SYT6: variants seen among roughly 807,000 people sequenced by gnomAD.
The protein encoded by SYT6 is synaptotagmin 6.
SYT6 carries 24 observed loss-of-function variants against 38.4 expected under a neutral mutation model. The observed-to-expected ratio is 0.62, with a 90% CI of 0.45 to 0.88. The LOEUF (loss-of-function observed/expected upper bound fraction) is 0.88. SYT6 is among the 40% of genes least tolerant of loss of function. The probability of loss-of-function intolerance (pLI) is 0.00; values close to 1 mark genes in which losing one functional copy is unlikely to be tolerated. For missense variants in SYT6, 611 were observed against 621.0 expected (o/e 0.98, Z 0.17); for synonymous variants, 265 against 241.9 (o/e 1.10, Z -0.89).
At chr1:114,120,050 G>A (rs1316829833) in intron 3 of SYT6, among the ~76,000 whole-genome samples, 2 of 135,684 alleles carry the variant, frequency 1.5e-5, no homozygotes, top group African/African-American at 6.4e-5. Flanking sequence ...CAGCCTGGGC[G>A]ACAGAGAGAG....
chr1:114,131,671 C>T (rs1006869461), intron 3 of SYT6, among the ~76,000 whole-genome samples: 1 of 152,232 alleles, frequency 6.6e-6, no homozygotes, highest in African/African-American at 2.4e-5. Flanking sequence ...CTTTCCATAG[C>T]CCAGCCCATG....
chr1:114,101,349 G>T (rs1357953072), intron 4 of SYT6, among the ~76,000 whole-genome samples: 1 of 152,146 alleles, frequency 6.6e-6, no homozygotes, highest in Non-Finnish European at 1.5e-5. Context: ...GATCTTGGAG[G>T]TCCTTTCCTC....
At chr1:114,135,186 C>T (rs185878957) in intron 3 of SYT6, among the ~76,000 whole-genome samples, 3 of 152,130 alleles carry the variant, frequency 2.0e-5, no homozygotes, top group Non-Finnish European at 4.4e-5. Flanking sequence ...ACCTGGACTC[C>T]CTCTGCAACT....
intron 3 of SYT6, among the ~76,000 whole-genome samples, chr1:114,114,096 C>T (rs1347137003): frequency 1.3e-5 from 2 of 152,182 alleles, no homozygotes; most frequent in Non-Finnish European, 2.9e-5. Flanking sequence ...AGGCCACTTC[C>T]TCCAGCGCCT....
At chr1:114,098,532 G>T (rs761659651) in intron 5 of SYT6, among the ~76,000 whole-genome samples, 1 of 152,220 alleles carries the variant, frequency 6.6e-6, no homozygotes, top group Non-Finnish European at 1.5e-5. Flanking sequence ...GATCCGATTG[G>T]ATGGATATGC....
At chr1:114,123,402 A>G (rs971470757) in intron 3 of SYT6, among the ~76,000 whole-genome samples, 2 of 152,196 alleles carry the variant, frequency 1.3e-5, no homozygotes, top group African/African-American at 4.8e-5. Context: ...AAAGAGCCCC[A>G]GGCCAGTGCT....
intron 6 of SYT6, among the ~76,000 whole-genome samples, chr1:114,095,665 T>G (rs973566440): frequency 2.8e-4 from 27 of 95,496 alleles, no homozygotes; most frequent in Non-Finnish European, 6.0e-4. Flanking sequence ...AGTTTTCTTT[T>G]CTTTTTTTTT....
chr1:114,104,228 A>C (rs2100989357), intron 3 of SYT6, among the ~76,000 whole-genome samples: 1 of 152,330 alleles, frequency 6.6e-6, no homozygotes, highest in South Asian at 2.1e-4. Flanking sequence ...CCCTCAGTGC[A>C]GTTGTTCTTT....
chr1:114,153,130 G>A (rs1193223821), intron 1 of SYT6: 4 of 153,420 alleles, frequency 2.6e-5, no homozygotes, highest in South Asian at 2.1e-4. Flanking sequence ...GAGACTGGGG[G>A]TCCGCCCGCG....
rs60780339 is a variant in SYT6 at position 114,122,506 on chromosome 1, T to TGTGTGTGTGTGCGC, written c.1071+14988_1071+14989insGCGCACACACACAC. On this transcript the variant is annotated intron_variant, in intron 3 of 7. Coordinates refer to ENST00000610222, the MANE Select transcript of SYT6 (RefSeq NM_001253772.2). ...TTGTGTGTGTGTGTGTGTGTGTGTG[T>TGTGTGTGTGTGCGC]GCGCGCACATGAGCATATGCACACA... 1.1e-3 allele frequency among the ~76,000 whole-genome samples: 160 copies of TGTGTGTGTGTGCGC among 147,404 alleles called. 2 individuals carry two copies. The Middle Eastern group carries it at 0.014, about 13-fold the overall frequency.
At chr1:114,109,013 G>A (rs189766097) in intron 3 of SYT6, among the ~76,000 whole-genome samples, 1 of 113,292 alleles carries the variant, frequency 8.8e-6, no homozygotes, top group Non-Finnish European at 1.5e-5. Flanking sequence ...GGGAGGGTAG[G>A]GGGGCTGGAA....
chr1:114,146,167 T>G (rs61810288), intron 1 of SYT6, among the ~76,000 whole-genome samples: 2,457 of 152,154 alleles, frequency 0.016, 38 homozygotes, highest in Non-Finnish European at 0.024. Context: ...AAACACTGAG[T>G]GGGTTTGTCT....
rs1491515053 is a variant in SYT6, at chr1:114,143,557, CAT to C, written c.164-3596_164-3595del. ...ATATAAGTTATATATAACTTATGTG[CAT>C]GTGTGTGTGTGTGTGTATATATATA... On this transcript the variant is annotated intron_variant, in intron 1 of 7. Coordinates refer to ENST00000610222, the MANE Select transcript of SYT6 (RefSeq NM_001253772.2). 6.6e-3 allele frequency among the ~76,000 whole-genome samples: 969 copies of C among 147,072 alleles called. 12 individuals are homozygous for C. Among genetic ancestry groups the C allele is most frequent in the African/African-American group, 0.023 (906 of 39,916 alleles).
intron 3 of SYT6, among the ~76,000 whole-genome samples, chr1:114,129,399 A>AACCTCTCCCGCCTCTT (rs71787619): frequency 4.8e-5 from 7 of 145,758 alleles, no homozygotes; most frequent in Non-Finnish European, 5.9e-5. Context: ...GAACCATATT[A>AACCTCTCCCGCCTCTT]ACCTCTCCCG....
At position 114,137,490 on chromosome 1, in the gene SYT6, C is replaced by T; in HGVS notation, c.1071+5G>A. The T allele has an allele frequency of 6.2e-7, 1 of 1,611,538 alleles. No individual in the cohort carries two copies. The highest frequency in any genetic ancestry group is 2.2e-5 in the East Asian group (1 of 44,798). ...CAAGAAGCCAAGGAACAGGGCTGTA[C>T]TTACACTTGTGGCATATTGGATATC... On this transcript the variant is annotated splice_donor_5th_base_variant and intron_variant, in intron 3 of 7. Transcript: ENST00000610222.
intron 1 of SYT6, among the ~76,000 whole-genome samples, chr1:114,142,058 T>G (rs1678893839): frequency 6.6e-6 from 1 of 152,238 alleles, no homozygotes; most frequent in Non-Finnish European, 1.5e-5. Context: ...GTTGTTTTCA[T>G]GCCAGCTAAA....
chr1:114,145,763 C>A (rs774939210), intron 1 of SYT6, among the ~76,000 whole-genome samples: 1 of 152,098 alleles, frequency 6.6e-6, no homozygotes, highest in Non-Finnish European at 1.5e-5. Flanking sequence ...GATCATACAT[C>A]TTACTTGTTC....
At chr1:114,135,037 C>T (rs1678392052) in intron 3 of SYT6, among the ~76,000 whole-genome samples, 1 of 152,060 alleles carries the variant, frequency 6.6e-6, no homozygotes, top group Non-Finnish European at 1.5e-5. Context: ...GAGCCTGCTC[C>T]TGAGAACTCT....
intron 3 of SYT6, among the ~76,000 whole-genome samples, chr1:114,113,266 C>T (rs1242292230): frequency 1.3e-5 from 2 of 152,166 alleles, no homozygotes; most frequent in Non-Finnish European, 2.9e-5. Context: ...GTTCTTCTCC[C>T]ACCTCTCTGG....
Sources: gnomAD v4.1 joint callset for allele counts (sites outside exome capture counted in the v4.1 genomes callset) on GRCh38, gnomAD v4.1.1 for gene constraint, MANE v1.5 for transcripts, NCBI Gene and HGNC (gene_info 2026-07-23, HGNC 2026-07-21) for gene names.